The following OSBPL1A variants were observed in gnomAD, a reference collection of about 807,000 sequenced individuals.
The protein encoded by OSBPL1A is oxysterol binding protein like 1A, also known as oxysterol-binding protein-related protein 1.
A neutral mutation model predicts 137.1 loss-of-function variants in OSBPL1A; 80 were observed. That is an observed-to-expected ratio of 0.58 (90% CI 0.49 to 0.70). The LOEUF (loss-of-function observed/expected upper bound fraction) is 0.70, where lower values mean the gene tolerates loss of function less well. Ranked by LOEUF, OSBPL1A falls within the 30% of genes least tolerant of loss-of-function variation. OSBPL1A has a pLI of 0.00. For missense variants in OSBPL1A, 970 were observed against 1,129.4 expected (o/e 0.86, Z 2.02); for synonymous variants, 365 against 389.7 (o/e 0.94, Z 0.75).
chr18:24,196,937 A>C (rs920158520), intron 17 of OSBPL1A, among the ~76,000 whole-genome samples: 3 of 152,238 alleles, frequency 2.0e-5, no homozygotes, highest in African/African-American at 7.2e-5. Flanking sequence ...CATCAGAGTC[A>C]GGCCTGGTGG....
chr18:24,312,085 C>T lies in OSBPL1A; in HGVS notation c.991G>A (p.Glu331Lys), dbSNP rs76162806. 5.1e-5 allele frequency: 82 copies of T among 1,613,936 alleles called. No individual in the cohort carries two copies. The African/African-American group carries it at 1.1e-3, about 21-fold the overall frequency. ...SREDWLEAIE[E>K]HSAYSTHYCS... ...TAGTGAGTGCTGTAAGCAGAATGTT[C>T]TTCTATTGCTTCCAGCCAGTCCTGA... The change falls in exon 13 of 28, where the codon GAA becomes AAA. Residue 331 changes from glutamate (E) to lysine (K), a missense_variant. Physicochemically the swap from Glu to Lys is moderately conservative, Grantham distance 56 (BLOSUM62 1). Transcript: ENST00000319481.
In OSBPL1A at chr18:24,376,202, G is replaced by A. The variant is rs190171025; in HGVS notation, c.121+1211C>T. ...CCACATCCTGCTGACTGGTAGAGCCGAGTGGTCTGTTTTGACAGGGTGCTG... is the reference window on the plus strand; with the variant it reads ...CCACATCCTGCTGACTGGTAGAGCCAAGTGGTCTGTTTTGACAGGGTGCTG... On this transcript the variant is annotated intron_variant, in intron 2 of 27. Coordinates refer to ENST00000319481, the MANE Select transcript of OSBPL1A (RefSeq NM_080597.4). Among the ~76,000 whole-genome samples the A allele has an allele frequency of 1.1e-3, 164 of 152,256 alleles. 1 individual carries two copies. Among genetic ancestry groups the A allele is most frequent in the African/African-American group, 3.7e-3 (152 of 41,546 alleles).
chr18:24,221,749 A>G (rs2087900300), intron 17 of OSBPL1A, among the ~76,000 whole-genome samples: 1 of 152,228 alleles, frequency 6.6e-6, no homozygotes, highest in Non-Finnish European at 1.5e-5. Context: ...ATACCAGGAC[A>G]ATGAATTTTC....
chr18:24,208,449 T>C (rs1249083991), intron 17 of OSBPL1A, among the ~76,000 whole-genome samples: 5 of 152,208 alleles, frequency 3.3e-5, no homozygotes, highest in Non-Finnish European at 7.3e-5. Context: ...ATTCCATTGT[T>C]AGAAATTTAA....
chr18:24,321,008 A>G (rs1232345700), intron 7 of OSBPL1A, among the ~76,000 whole-genome samples: 2 of 148,748 alleles, frequency 1.3e-5, no homozygotes, highest in African/African-American at 5.0e-5. Context: ...AGCCTGGGGA[A>G]CAAGAGCAAG....
At position 24,357,553 on chromosome 18, in the gene OSBPL1A, G is replaced by A. The variant is rs1472047446; in HGVS notation, c.282+9339C>T. 3 of 152,102 alleles carry A rather than the reference G, an allele frequency of 2.0e-5. No homozygotes were observed. The East Asian group carries it at 5.8e-4, about 29-fold the overall frequency. The allele number at this position is 152,102 out of a possible 1,614,324, so 9.4% of individuals were successfully genotyped here. A position where few individuals can be genotyped will look rare whatever the true frequency, so the allele number is the denominator to read the frequency against. ...TTCCTCTTGTAGCCACCTTATTTAGGAACCAAAAGGGGGAGGCAGGTTTGC... is the reference window on the plus strand; with the variant it reads ...TTCCTCTTGTAGCCACCTTATTTAGAAACCAAAAGGGGGAGGCAGGTTTGC... On this transcript the variant is annotated intron_variant, in intron 4 of 27. Coordinates refer to ENST00000319481, the MANE Select transcript of OSBPL1A (RefSeq NM_080597.4).
chr18:24,361,052 CAG>C (rs2091613072), intron 4 of OSBPL1A, among the ~76,000 whole-genome samples: 1 of 152,084 alleles, frequency 6.6e-6, no homozygotes, highest in South Asian at 2.1e-4. Context: ...TTTTTTGGCA[CAG>C]AGTCTCACTC....
intron 5 of OSBPL1A, 134 bp from the exon 6 acceptor site, chr18:24,334,464 G>T (rs545998322): frequency 1.8e-6 from 1 of 554,576 alleles, no homozygotes; most frequent in Non-Finnish European, 3.0e-6. Context: ...AAAATTTATT[G>T]TTATTACCTT....
chr18:24,269,452 G>A (rs961946812), intron 15 of OSBPL1A, among the ~76,000 whole-genome samples: 7 of 151,984 alleles, frequency 4.6e-5, no homozygotes, highest in African/African-American at 1.5e-4. Context: ...ACCTGACGCC[G>A]GTATAAGTCA....
chr18:24,370,231 C>A (rs1470852249), intron 2 of OSBPL1A, among the ~76,000 whole-genome samples: 1 of 152,132 alleles, frequency 6.6e-6, no homozygotes, highest in Non-Finnish European at 1.5e-5. Context: ...AAAACAACAA[C>A]AAAAAACCCA....
At position 24,358,374 on chromosome 18, in the gene OSBPL1A, T is replaced by A; in HGVS notation, c.282+8518A>T. 4 of 671,130 alleles carry A rather than the reference T, an allele frequency of 6.0e-6. No individual in the cohort carries two copies. In the South Asian group the frequency reaches 6.5e-5, roughly 11 times the overall value. The allele number at this position is 671,130 out of a possible 1,614,324, so 41.6% of individuals were successfully genotyped here. ...CGCACACAGCAGAAAGGCTGAGGCATCGCTTGAGCCGGCAGCACTACTTGA... is the reference window on the plus strand; with the variant it reads ...CGCACACAGCAGAAAGGCTGAGGCAACGCTTGAGCCGGCAGCACTACTTGA... On this transcript the variant is annotated intron_variant, in intron 4 of 27. Transcript: ENST00000319481.
chr18:24,203,305 T>C (rs773421458), intron 17 of OSBPL1A, among the ~76,000 whole-genome samples: 59 of 152,222 alleles, frequency 3.9e-4, no homozygotes, highest in African/African-American at 1.4e-3. Context: ...ACAAAGGAAA[T>C]GATCTACAGA....
At chr18:24,384,659 C>A (rs1195493422) in intron 1 of OSBPL1A, among the ~76,000 whole-genome samples, 1 of 152,018 alleles carries the variant, frequency 6.6e-6, no homozygotes, top group African/African-American at 2.4e-5. Flanking sequence ...CACCTGAGGT[C>A]AGGAGTTCCG....
chr18:24,324,785 TAA>T (rs1426860005), intron 7 of OSBPL1A, among the ~76,000 whole-genome samples: 15 of 95,024 alleles, frequency 1.6e-4, no homozygotes, highest in East Asian at 3.4e-4. Flanking sequence ...CTCTGTCTAT[TAA>T]AAAAAAAAAA....
intron 15 of OSBPL1A, among the ~76,000 whole-genome samples, chr18:24,274,824 G>T (rs906544373): frequency 1.5e-4 from 23 of 151,980 alleles, no homozygotes; most frequent in Middle Eastern, 3.4e-3. Context: ...CAGGAGAATC[G>T]CTTGAACCCG....
At chr18:24,213,342 C>CCT (rs1567949762) in intron 17 of OSBPL1A, among the ~76,000 whole-genome samples, 1 of 152,124 alleles carries the variant, frequency 6.6e-6, no homozygotes, top group Admixed American at 6.5e-5. Flanking sequence ...CCGAGGCAGG[C>CCT]GGATCACTTG....
chr18:24,383,704 A>T (rs910881730), intron 1 of OSBPL1A, among the ~76,000 whole-genome samples: 1 of 152,246 alleles, frequency 6.6e-6, no homozygotes, highest in African/African-American at 2.4e-5. Context: ...CAATGAGCTG[A>T]GATCGTGCCA....
At chr18:24,329,507 G>C (rs1025665425) in intron 7 of OSBPL1A, among the ~76,000 whole-genome samples, 1 of 142,164 alleles carries the variant, frequency 7.0e-6, no homozygotes, top group Non-Finnish European at 1.5e-5. Flanking sequence ...TCGAGATCGC[G>C]CCACTGCACT....
intron 14 of OSBPL1A, among the ~76,000 whole-genome samples, chr18:24,299,980 G>T (rs1479486132): frequency 6.6e-6 from 1 of 152,110 alleles, no homozygotes; most frequent in Non-Finnish European, 1.5e-5. Flanking sequence ...GATACACAAT[G>T]GTACATTTAA....
Sources: gnomAD v4.1 joint callset for allele counts (sites outside exome capture counted in the v4.1 genomes callset) on GRCh38, gnomAD v4.1.1 for gene constraint, MANE v1.5 for transcripts, NCBI Gene and HGNC (gene_info 2026-07-23, HGNC 2026-07-21) for gene names.